The following TM4SF18 variants were observed in gnomAD, a reference collection of about 807,000 sequenced individuals.
TM4SF18 encodes the protein transmembrane 4 L six family member 18.
A neutral mutation model predicts 23.8 loss-of-function variants in TM4SF18; 22 were observed. That is an observed-to-expected ratio of 0.92 (90% CI 0.66 to 1.32). The LOEUF (loss-of-function observed/expected upper bound fraction) is 1.32. Ranked by LOEUF, TM4SF18 falls within the 40% of genes most tolerant of loss-of-function variation. The pLI is 0.00. For missense variants in TM4SF18, 255 were observed against 240.3 expected (o/e 1.06, Z -0.41); for synonymous variants, 87 against 87.9 (o/e 0.99, Z 0.06).
chr3:149,330,333 A>G lies in TM4SF18; in HGVS notation c.264T>C (p.Tyr88=), dbSNP rs768996833. Residue 88 remains tyrosine, a synonymous_variant, in exon 3 of 6, where the codon TAT becomes TAC. Coordinates refer to ENST00000296059, the MANE Select transcript of TM4SF18 (RefSeq NM_138786.4). ...TCAAAAAAACTGTTGCTCTTACCAC[A>G]TATTTTTTGCTGCAGTTTTCACTCT... The part of the protein sequence containing the change: ...CCQSENCSKK[Y]VTLLSIIFSS... 1 of 1,609,996 alleles carries G rather than the reference A, an allele frequency of 6.2e-7. No homozygotes were observed. Among genetic ancestry groups the G allele is most frequent in the East Asian group, 2.2e-5 (1 of 44,834 alleles).
intron 4 of TM4SF18, among the ~76,000 whole-genome samples, 154 bp from the exon 5 acceptor site, chr3:149,322,590 A>G (rs1385616008): frequency 1.3e-5 from 2 of 152,242 alleles, no homozygotes; most frequent in Non-Finnish European, 2.9e-5. Context: ...CATATTGGAC[A>G]TATCTTATGC....
intron 3 of TM4SF18, among the ~76,000 whole-genome samples, chr3:149,327,435 C>T (rs2108361563): frequency 1.4e-5 from 2 of 142,578 alleles, no homozygotes; most frequent in South Asian, 4.4e-4. Flanking sequence ...TGGAGGAAAA[C>T]ACATTAAGGA....
chr3:149,321,927 A>C (rs1730816824), intron 5 of TM4SF18, among the ~76,000 whole-genome samples: 1 of 152,204 alleles, frequency 6.6e-6, no homozygotes, highest in Admixed American at 6.5e-5. Context: ...TGAACAGGGA[A>C]ATTCTTGATA....
chr3:149,321,039 CTTTA>C lies in TM4SF18; in HGVS notation c.*435_*438del, dbSNP rs1730791936. 1 of 150,870 alleles carries C rather than the reference CTTTA, an allele frequency of 6.6e-6. No homozygotes were observed. The highest frequency in any genetic ancestry group is 1.5e-5 in the Non-Finnish European group (1 of 67,576). The allele number at this position is 150,870 out of a possible 1,614,324, so 9.3% of individuals were successfully genotyped here. A position where few individuals can be genotyped will look rare whatever the true frequency, so the allele number is the denominator to read the frequency against. ...TGTAATTTTACAACCATGTAGTACT[CTTTA>C]TTTTTTATTTAATTTTTTTTTTAAT... On this transcript the variant is annotated 3_prime_UTR_variant, in exon 6 of 6. Coordinates refer to ENST00000296059, the MANE Select transcript of TM4SF18 (RefSeq NM_138786.4).
At chr3:149,326,149 T>C (rs1312785729) in intron 3 of TM4SF18, among the ~76,000 whole-genome samples, 1 of 152,226 alleles carries the variant, frequency 6.6e-6, no homozygotes, top group Non-Finnish European at 1.5e-5. Context: ...ATTTTTTTTG[T>C]ACAGGATCCA....
At position 149,322,275 on chromosome 3, in the gene TM4SF18, C is replaced by T; in HGVS notation, c.572G>A (p.Ser191Asn). The T allele has an allele frequency of 6.2e-7, 1 of 1,613,256 alleles. No homozygotes were observed. ...VMQLSKILCG[S>N]YSVIFQPGII ...TGTTACCTGGAAGATCACTGAATAG[C>T]TTCCACACAGTATCTTGGATAGTTG... Residue 191 changes from serine to asparagine, a missense_variant, in exon 5 of 6, where the codon AGC (serine) becomes AAC (asparagine). Physicochemically the swap from Ser to Asn is conservative, Grantham distance 46. Coordinates refer to ENST00000296059, the MANE Select transcript of TM4SF18 (RefSeq NM_138786.4).
rs1349398960 is a variant in TM4SF18 at position 149,333,349 on chromosome 3, A to C, written c.34T>G (p.Cys12Gly). 2 of 1,613,300 alleles carry C rather than the reference A, an allele frequency of 1.2e-6. No homozygotes were observed. The highest frequency in any genetic ancestry group is 1.7e-5 in the Admixed American group (1 of 59,872). Residue 12 changes from cysteine (C) to glycine (G), a missense_variant, in exon 2 of 6, where the codon TGT becomes GGT. Physicochemically the swap from Cys to Gly is radical, Grantham distance 159. Transcript: ENST00000296059. ...GSRKCGGCLSCLLIPLALWSI... is the reference protein window; with the variant it reads ...GSRKCGGCLSGLLIPLALWSI... ...CAAAGTGCAAGCGGAATCAGCAAAC[A>C]ACTTAGGCAGCCTCCACACTTCCGA... is the stretch of plus-strand genomic sequence containing the variant.
chr3:149,325,075 T>C, intron 3 of TM4SF18, 53 bp from the exon 4 acceptor site: 2 of 1,569,584 alleles, frequency 1.3e-6, no homozygotes, highest in South Asian at 2.3e-5. Context: ...CAAGGGGATA[T>C]TGTGGATAAA....
At chr3:149,326,036 G>A (rs188682644) in intron 3 of TM4SF18, among the ~76,000 whole-genome samples, 15 of 151,916 alleles carry the variant, frequency 9.9e-5, no homozygotes, top group Admixed American at 4.6e-4. Flanking sequence ...ATGTGTTTTT[G>A]TTACTGAGCC....
At chr3:149,323,688 G>C (rs867743881) in intron 4 of TM4SF18, among the ~76,000 whole-genome samples, 1 of 152,178 alleles carries the variant, frequency 6.6e-6, no homozygotes, top group South Asian at 2.1e-4. Context: ...TGTGTTAACT[G>C]TACAAATTGA....
Position 149,322,414 on chromosome 3 carries a change from A to G in TM4SF18, c.433T>C (p.Trp145Arg). 3.1e-6 allele frequency: 5 copies of G among 1,613,866 alleles called. No individual in the cohort carries two copies. Among genetic ancestry groups the G allele is most frequent in the Middle Eastern group, 3.3e-4 (2 of 6,060 alleles). Residue 145 changes from tryptophan to arginine, a missense_variant, in exon 5 of 6, where the codon TGG becomes CGG. Trp to Arg is a moderately radical substitution (Grantham distance 101, BLOSUM62 -3). Transcript: ENST00000296059. ...AGRFLTDSSI[W>R]IQCLEPAHVV... ...TGTGCAGGTTCCAGGCACTGAATCC[A>G]TATGCTAGAATCTGTAAGGAAACTG...
rs1730825450 is a variant in TM4SF18, at chr3:149,322,321, A to C, written c.526T>G (p.Cys176Gly). The C allele has an allele frequency of 1.9e-6, 3 of 1,614,148 alleles. No homozygotes were observed. In the East Asian group the frequency reaches 6.7e-5, roughly 36 times the overall value. ...ITLSGLQVII[C>G]LIRVVMQLSK... ...AGTTGCATGACTACTCTGATGAGGC[A>C]GATGATCACTTGAAGCCCACTGAGG... is the stretch of plus-strand genomic sequence containing the variant. The change falls in exon 5 of 6, where the codon TGC (cysteine) becomes GGC (glycine). Residue 176 changes from cysteine (C) to glycine (G), a missense_variant. Cys to Gly is a radical substitution (Grantham distance 159). Coordinates refer to ENST00000296059, the MANE Select transcript of TM4SF18 (RefSeq NM_138786.4).
At chr3:149,333,093 T>C in intron 2 of TM4SF18, 113 bp downstream of exon 2, 1 of 1,095,720 alleles carries the variant, frequency 9.1e-7, no homozygotes, top group Non-Finnish European at 1.3e-6. Flanking sequence ...TTTCAAATCC[T>C]ACACCCAAGA....
rs1730778457 is a variant in TM4SF18 at position 149,320,384 on chromosome 3, T to C, written c.*1094A>G. On this transcript the variant is annotated 3_prime_UTR_variant, in exon 6 of 6. Coordinates refer to ENST00000296059, the MANE Select transcript of TM4SF18 (RefSeq NM_138786.4). Reference sequence around the variant, plus strand: ...GACATGGCATGTATAGGTGGAAAATTTGTAAGTGTTCTACTTTTTAATTAC... The same window carrying C: ...GACATGGCATGTATAGGTGGAAAATCTGTAAGTGTTCTACTTTTTAATTAC... The C allele has an allele frequency of 6.6e-6, 1 of 152,188 alleles. No individual in the cohort carries two copies. The highest frequency in any genetic ancestry group is 2.4e-5 in the African/African-American group (1 of 41,440). 9.4% of individuals were successfully genotyped at this position (152,188 alleles called of 1,614,324 possible).
At chr3:149,322,163 A>G (rs1730820850) in intron 5 of TM4SF18, 93 bp downstream of exon 5, 13 of 1,122,066 alleles carry the variant, frequency 1.2e-5, no homozygotes, top group Non-Finnish European at 1.6e-5. Context: ...GGGGAAAGTG[A>G]TGGAATTCTA....
At chr3:149,331,210 C>T (rs1576834665) in intron 2 of TM4SF18, among the ~76,000 whole-genome samples, 1 of 152,060 alleles carries the variant, frequency 6.6e-6, no homozygotes, top group African/African-American at 2.4e-5. Context: ...TTTTACTCTT[C>T]GTAGCCAATG....
intron 4 of TM4SF18, among the ~76,000 whole-genome samples, chr3:149,324,274 G>T (rs941326707): frequency 6.6e-6 from 1 of 152,134 alleles, no homozygotes; most frequent in East Asian, 1.9e-4. Context: ...AGCCTTCTGA[G>T]CAAGGCTACC....
At chr3:149,322,897 C>T (rs916223856) in intron 4 of TM4SF18, among the ~76,000 whole-genome samples, 3 of 128,006 alleles carry the variant, frequency 2.3e-5, no homozygotes, top group Non-Finnish European at 5.1e-5. Context: ...ACCCCTCTGG[C>T]CTCCAGACTT....
chr3:149,319,065 C>T lies in TM4SF18; in HGVS notation c.*2413G>A, dbSNP rs1021143346. On this transcript the variant is annotated 3_prime_UTR_variant, in exon 6 of 6. Transcript: ENST00000296059. ...TAATTTTCCTGATAGAGGTATCATGCTGCATTTGGCTGTACCCCTGATGTG... is the reference window on the plus strand; with the variant it reads ...TAATTTTCCTGATAGAGGTATCATGTTGCATTTGGCTGTACCCCTGATGTG... The T allele has an allele frequency of 3.9e-5, 6 of 152,260 alleles. No homozygotes were observed. Among genetic ancestry groups the T allele is most frequent in the African/African-American group, 1.4e-4 (6 of 41,536 alleles). 9.4% of individuals were successfully genotyped at this position (152,260 alleles called of 1,614,324 possible). A position where few individuals can be genotyped will look rare whatever the true frequency, so the allele number is the denominator to read the frequency against.
Sources: gnomAD v4.1 joint callset for allele counts (sites outside exome capture counted in the v4.1 genomes callset) on GRCh38, gnomAD v4.1.1 for gene constraint, MANE v1.5 for transcripts, NCBI Gene and HGNC (gene_info 2026-07-23, HGNC 2026-07-21) for gene names.